The following PTPRT variants were observed in gnomAD, a reference collection of about 807,000 sequenced individuals.
The protein encoded by PTPRT is protein tyrosine phosphatase receptor type T.
PTPRT carries 56 observed loss-of-function variants against 176.8 expected under a neutral mutation model. That is an observed-to-expected ratio of 0.32 (90% CI 0.26 to 0.40). The LOEUF (loss-of-function observed/expected upper bound fraction) is 0.40, where lower values mean the gene tolerates loss of function less well. Among genes scored for constraint, PTPRT ranks in the 10% least tolerant of loss-of-function variants. The pLI is 1.00. For missense variants in PTPRT, 1,540 were observed against 1,908.2 expected, an observed-to-expected ratio of 0.81 and a Z score of 3.60; for synonymous variants, 783 against 739.0, an observed-to-expected ratio of 1.06 and a Z score of -0.96.
At chr20:42,883,703 C>G in intron 2 of PTPRT, among the ~76,000 whole-genome samples, 1 of 148,432 alleles carries the variant, frequency 6.7e-6, no homozygotes, top group Non-Finnish European at 1.5e-5. Flanking sequence ...ACCTCCCATA[C>G]ACCCCCATAC....
At chr20:42,426,804 G>T (rs1601005264) in intron 9 of PTPRT, among the ~76,000 whole-genome samples, 1 of 152,182 alleles carries the variant, frequency 6.6e-6, no homozygotes, top group Non-Finnish European at 1.5e-5. Flanking sequence ...CTGCAAGGGG[G>T]GTCAGGGAAC....
In PTPRT at chr20:42,908,277, C is replaced by A. The variant is rs185184633; in HGVS notation, c.89-22345G>T. Among the ~76,000 whole-genome samples, 268 of 152,190 alleles carry A rather than the reference C, an allele frequency of 1.8e-3. 1 individual carries two copies. The highest frequency in any genetic ancestry group is 6.3e-3 in the African/African-American group (262 of 41,524). ...TCTAAGAAGATAATAATAATAGCCA[C>A]CCAGAAGCACGTCTGAATTTTTATA... On this transcript the variant is annotated intron_variant, in intron 1 of 30. Coordinates refer to ENST00000373187, the MANE Select transcript of PTPRT (RefSeq NM_007050.6).
chr20:42,859,655 C>G (rs999753151), intron 2 of PTPRT, among the ~76,000 whole-genome samples: 1 of 146,140 alleles, frequency 6.8e-6, no homozygotes. Flanking sequence ...ACGATCTTGG[C>G]TCACTGCAAG....
chr20:42,924,966 C>T (rs547977512), intron 1 of PTPRT, among the ~76,000 whole-genome samples: 9 of 152,222 alleles, frequency 5.9e-5, no homozygotes, highest in Non-Finnish European at 1.2e-4. Context: ...CCAAGTGAAT[C>T]TGATGCAGGT....
intron 17 of PTPRT, among the ~76,000 whole-genome samples, chr20:42,147,968 A>G (rs1185568627): frequency 6.6e-6 from 1 of 152,170 alleles, no homozygotes; most frequent in Admixed American, 6.5e-5. Context: ...TATGAGGGGG[A>G]AAAGTATGAA....
At chr20:42,331,191 G>C (rs1600845347) in intron 11 of PTPRT, among the ~76,000 whole-genome samples, 1 of 151,690 alleles carries the variant, frequency 6.6e-6, no homozygotes, top group Non-Finnish European at 1.5e-5. Flanking sequence ...GTTTTCTAAA[G>C]TTACCTTACA....
chr20:42,912,734 A>G (rs1978481637), intron 1 of PTPRT, among the ~76,000 whole-genome samples: 1 of 152,194 alleles, frequency 6.6e-6, no homozygotes, highest in Non-Finnish European at 1.5e-5. Context: ...ATCTAACTTT[A>G]TTTTACTTTT....
intron 1 of PTPRT, among the ~76,000 whole-genome samples, chr20:43,107,331 T>C (rs1568789162): frequency 6.6e-6 from 1 of 152,086 alleles, no homozygotes; most frequent in Non-Finnish European, 1.5e-5. Flanking sequence ...TTTAGAAAAG[T>C]TTGCTGAAAG....
Position 42,102,056 on chromosome 20 carries a change from C to T in PTPRT, c.3714+68G>A, listed in dbSNP as rs957863199. ...GGGTCAGGGCCCTGAGGTCCAGCCA[C>T]CTCCACCTCAGGAAGAATATTTGCC... On this transcript the variant is annotated intron_variant, in intron 26 of 30. Transcript: ENST00000373187. The T allele has an allele frequency of 1.7e-5, 27 of 1,557,330 alleles. No homozygotes were observed. The East Asian group carries it at 5.2e-4, about 30-fold the overall frequency.
chr20:43,188,760 G>C (rs944058343), intron 1 of PTPRT, among the ~76,000 whole-genome samples: 1 of 148,576 alleles, frequency 6.7e-6, no homozygotes, highest in African/African-American at 2.4e-5. Flanking sequence ...GGGGGGGGGG[G>C]GGCTCGGGGG....
At chr20:42,195,494 C>T (rs1189214361) in intron 16 of PTPRT, among the ~76,000 whole-genome samples, 1 of 141,992 alleles carries the variant, frequency 7.0e-6, no homozygotes, top group African/African-American at 2.7e-5. Flanking sequence ...CCCCTCAAAT[C>T]TCATCCCAGT....
chr20:42,993,189 T>A (rs1369557809), intron 1 of PTPRT, among the ~76,000 whole-genome samples: 1 of 151,638 alleles, frequency 6.6e-6, no homozygotes, highest in Non-Finnish European at 1.5e-5. Context: ...GAGGCCGAGG[T>A]GGGTGGATCA....
chr20:42,304,681 G>A (rs2057517830), intron 12 of PTPRT, among the ~76,000 whole-genome samples: 1 of 152,100 alleles, frequency 6.6e-6, no homozygotes, highest in African/African-American at 2.4e-5. Flanking sequence ...ATTTTATAGT[G>A]CAAGAAATAG....
chr20:42,686,233 T>C (rs2075688854), intron 6 of PTPRT: 1 of 152,216 alleles, frequency 6.6e-6, no homozygotes, highest in Non-Finnish European at 1.5e-5. Flanking sequence ...CAATACCGCC[T>C]GCTCTGTGGC....
At chr20:42,437,671 A>G (rs2059274498) in intron 9 of PTPRT, among the ~76,000 whole-genome samples, 1 of 152,124 alleles carries the variant, frequency 6.6e-6, no homozygotes, top group Non-Finnish European at 1.5e-5. Context: ...GAGTAAGAAA[A>G]AGCAGTCAAA....
chr20:42,645,496 C>T (rs942753400), intron 7 of PTPRT, among the ~76,000 whole-genome samples: 2 of 152,110 alleles, frequency 1.3e-5, no homozygotes, highest in Non-Finnish European at 2.9e-5. Flanking sequence ...ACTGTGTTTT[C>T]AGGGATCACC....
intron 9 of PTPRT, among the ~76,000 whole-genome samples, chr20:42,414,757 A>G (rs2059049651): frequency 6.6e-6 from 1 of 152,208 alleles, no homozygotes; most frequent in Non-Finnish European, 1.5e-5. Flanking sequence ...GAAATATGAA[A>G]GATTTTATGA....
chr20:42,702,926 T>G (rs1202414619), intron 6 of PTPRT, among the ~76,000 whole-genome samples: 1 of 152,206 alleles, frequency 6.6e-6, no homozygotes, highest in Non-Finnish European at 1.5e-5. Context: ...TTAAGCACCT[T>G]CGCAAATTTC....
intron 1 of PTPRT, among the ~76,000 whole-genome samples, chr20:43,000,294 A>G (rs1600637343): frequency 6.6e-6 from 1 of 152,160 alleles, no homozygotes; most frequent in Non-Finnish European, 1.5e-5. Context: ...AATCAACTAG[A>G]CTATTTCAGA....
Sources: gnomAD v4.1 joint callset for allele counts (sites outside exome capture counted in the v4.1 genomes callset) on GRCh38, gnomAD v4.1.1 for gene constraint, MANE v1.5 for transcripts, NCBI Gene and HGNC (gene_info 2026-07-23, HGNC 2026-07-21) for gene names.